Variants in DNAJC7 observed in about 807,000 individuals in gnomAD.
DNAJC7 encodes the protein DnaJ heat shock protein family (Hsp40) member C7, also known as dnaJ homolog subfamily C member 7.
A neutral mutation model predicts 67.4 loss-of-function variants in DNAJC7; 18 were observed. The ratio of observed to expected loss-of-function variants is 0.27; its 90% CI spans 0.18 to 0.40. DNAJC7 has a LOEUF of 0.40. Ranked by LOEUF, DNAJC7 falls within the 10% of genes least tolerant of loss-of-function variation. The pLI is 1.00. For synonymous variants in DNAJC7, 220 were observed against 207.8 expected, an observed-to-expected ratio of 1.06 and a Z score of -0.50; for missense variants, 419 against 613.8, an observed-to-expected ratio of 0.68 and a Z score of 3.35.
intron 9 of DNAJC7, among the ~76,000 whole-genome samples, chr17:41,983,995 G>A (rs1188153607): frequency 6.6e-6 from 1 of 152,208 alleles, no homozygotes; most frequent in African/African-American, 2.4e-5. Flanking sequence ...AAACACACAA[G>A]AGAAAAATTA....
chr17:42,005,693 G>T (rs143092597), intron 1 of DNAJC7, among the ~76,000 whole-genome samples: 601 of 152,198 alleles, frequency 3.9e-3, no homozygotes, highest in Non-Finnish European at 6.3e-3. Flanking sequence ...AGGAAATGTG[G>T]ATCCAAATTT....
rs1482217988 is a variant in DNAJC7, at chr17:41,976,638, C to T, written c.*95G>A. The T allele has an allele frequency of 1.7e-5, 26 of 1,513,710 alleles. No homozygotes were observed. In the South Asian group the frequency reaches 1.9e-4, roughly 11 times the overall value. The allele number at this position is 1,513,710 out of a possible 1,614,324, so 93.8% of individuals were successfully genotyped here. On this transcript the variant is annotated 3_prime_UTR_variant, in exon 14 of 14. Coordinates refer to ENST00000457167, the MANE Select transcript of DNAJC7 (RefSeq NM_003315.4). ...AGAAAACGAAACTGCTCTAAGCACA[C>T]GGAGACGTGATGAAGGGAGGAGGTG...
intron 9 of DNAJC7, 50 bp downstream of exon 9, chr17:41,987,769 C>T: frequency 6.6e-7 from 1 of 1,510,178 alleles, no homozygotes; most frequent in Non-Finnish European, 9.0e-7. Context: ...GGCAATTCCC[C>T]TGAGGCCAGC....
At position 41,994,957 on chromosome 17, in the gene DNAJC7, A is replaced by T; in HGVS notation, c.406-13T>A. 1 of 1,609,322 alleles carries T rather than the reference A, an allele frequency of 6.2e-7. No homozygotes were observed. Among genetic ancestry groups the T allele is most frequent in the Non-Finnish European group, 8.5e-7 (1 of 1,176,842 alleles). ...TAGCATTCTTGAACTGCACCGGAAA[A>T]TCAGACATAGGAAAGTTTTAATGAA... is the stretch of plus-strand genomic sequence containing the variant. On this transcript the variant is annotated splice_polypyrimidine_tract_variant and intron_variant, in intron 4 of 13. Transcript: ENST00000457167.
At chr17:41,979,933 C>T (rs1447851467) in intron 12 of DNAJC7, among the ~76,000 whole-genome samples, 16 of 152,000 alleles carry the variant, frequency 1.1e-4, no homozygotes, top group African/African-American at 3.9e-4. Flanking sequence ...TGCACTCCAG[C>T]CTGGGTGACA....
At position 41,982,235 on chromosome 17, in the gene DNAJC7, A is replaced by G. The variant is rs2051268991; in HGVS notation, c.1231+20T>C. Reference sequence around the variant, plus strand: ...CCTGCGGGTTCTTCCCACTGAGCCCACTCCCCGCACCTACTCTACCTGGAT... The same window carrying G: ...CCTGCGGGTTCTTCCCACTGAGCCCGCTCCCCGCACCTACTCTACCTGGAT... On this transcript the variant is annotated intron_variant, in intron 11 of 13. Transcript: ENST00000457167. 2 of 1,613,164 alleles carry G rather than the reference A, an allele frequency of 1.2e-6. No individual in the cohort carries two copies. The highest frequency in any genetic ancestry group is 3.3e-5 in the Admixed American group (2 of 59,932).
chr17:41,993,999 C>G (rs548440955), intron 5 of DNAJC7, among the ~76,000 whole-genome samples: 22 of 131,698 alleles, frequency 1.7e-4, no homozygotes, highest in African/African-American at 6.0e-4. Context: ...GCCGAGATCA[C>G]GCCACTGCAC....
intron 2 of DNAJC7, among the ~76,000 whole-genome samples, chr17:41,999,026 A>T (rs557441418): frequency 2.6e-5 from 4 of 152,170 alleles, no homozygotes; most frequent in South Asian, 2.1e-4. Flanking sequence ...TCTCTATTTT[A>T]AAAAATTTAA....
intron 9 of DNAJC7, among the ~76,000 whole-genome samples, chr17:41,987,009 C>G (rs1319653140): frequency 2.0e-5 from 3 of 152,266 alleles, no homozygotes; most frequent in Admixed American, 6.5e-5. Context: ...TACATCTTCT[C>G]TAAGAACTTT....
chr17:42,017,315 C>T (rs1210862685), intron 1 of DNAJC7, 25 bp downstream of exon 1: 1 of 1,610,874 alleles, frequency 6.2e-7, no homozygotes, highest in Non-Finnish European at 8.5e-7. Context: ...AGGTCGCCTC[C>T]TCTACTACCC....
intron 5 of DNAJC7, 131 bp from the exon 6 acceptor site, chr17:41,990,513 G>T: frequency 2.8e-6 from 2 of 709,172 alleles, no homozygotes; most frequent in Non-Finnish European, 4.8e-6. Flanking sequence ...TAATATCAAA[G>T]TTTAAAAACA....
chr17:42,005,782 C>T (rs1392572537), intron 1 of DNAJC7, among the ~76,000 whole-genome samples: 1 of 152,066 alleles, frequency 6.6e-6, no homozygotes, highest in African/African-American at 2.4e-5. Flanking sequence ...GCTCTGTCAC[C>T]CAGGCTGGAG....
intron 5 of DNAJC7, 58 bp downstream of exon 5, chr17:41,994,812 C>G: frequency 6.8e-7 from 1 of 1,469,760 alleles, no homozygotes; most frequent in Non-Finnish European, 9.5e-7. Context: ...CACACACACA[C>G]ACGAATGGGA....
intron 1 of DNAJC7, among the ~76,000 whole-genome samples, chr17:42,001,707 G>C (rs2143278918): frequency 1.3e-5 from 2 of 152,322 alleles, no homozygotes; most frequent in East Asian, 3.9e-4. Flanking sequence ...AAACCTTGGT[G>C]ATGGTACAGC....
At chr17:41,991,053 T>TCA (rs1204716188) in intron 5 of DNAJC7, among the ~76,000 whole-genome samples, 3 of 152,102 alleles carry the variant, frequency 2.0e-5, no homozygotes, top group Admixed American at 6.6e-5. Context: ...CAAGGAGCAA[T>TCA]CACACACACA....
rs141300090 is a variant in DNAJC7, at chr17:41,990,410, C to T, written c.481-28G>A. The T allele has an allele frequency of 9.0e-5, 140 of 1,558,584 alleles. No individual in the cohort carries two copies. In the African/African-American group the frequency reaches 1.7e-3, roughly 19 times the overall value. The stretch of plus-strand genomic sequence containing the variant: ...GTAGGGAAGAAGAAAACAAATAAGG[C>T]TCTTCATCAGGGACTCCAGAAACAT... On this transcript the variant is annotated intron_variant, in intron 5 of 13. Coordinates refer to ENST00000457167, the MANE Select transcript of DNAJC7 (RefSeq NM_003315.4).
intron 12 of DNAJC7, among the ~76,000 whole-genome samples, chr17:41,978,902 C>G (rs968562340): frequency 1.3e-5 from 2 of 151,860 alleles, no homozygotes; most frequent in Middle Eastern, 3.4e-3. Flanking sequence ...AACCTCTTCA[C>G]TAGTTTTTGA....
At chr17:41,982,532 G>A in intron 10 of DNAJC7, 131 bp from the exon 11 acceptor site, 1 of 1,210,344 alleles carries the variant, frequency 8.3e-7, no homozygotes, top group Admixed American at 2.4e-5. Context: ...CTTTCTTCTG[G>A]AGATTAGAAA....
intron 9 of DNAJC7, chr17:41,986,080 G>T (rs1161998801): frequency 5.4e-5 from 1 of 18,368 alleles, no homozygotes; most frequent in Non-Finnish European, 2.2e-4. Flanking sequence ...AAAAAAAAAA[G>T]GCCGGGCGCG....
Sources: allele counts gnomAD v4.1 joint callset (sites outside exome capture counted in the v4.1 genomes callset), GRCh38; gene constraint gnomAD v4.1.1; transcripts MANE v1.5; gene names NCBI Gene and HGNC (gene_info 2026-07-23, HGNC 2026-07-21).